EXOC6B: variants seen among roughly 807,000 people sequenced by gnomAD.
The protein encoded by EXOC6B is SEC15 homolog B.
Under a neutral mutation model 113.5 loss-of-function variants are expected in EXOC6B, and 54 were observed. The ratio of observed to expected loss-of-function variants is 0.48; its 90% CI spans 0.38 to 0.60. The LOEUF is 0.60. Ranked by LOEUF, EXOC6B falls within the 20% of genes least tolerant of loss-of-function variation. The probability of loss-of-function intolerance (pLI) is 0.00; values close to 1 mark genes in which losing one functional copy is unlikely to be tolerated. For missense variants in EXOC6B, 797 were observed against 977.5 expected (o/e 0.82, Z 2.46); for synonymous variants, 357 against 339.0 (o/e 1.05, Z -0.58).
At chr2:72,199,086 T>C (rs1391048220) in intron 20 of EXOC6B, among the ~76,000 whole-genome samples, 1 of 152,164 alleles carries the variant, frequency 6.6e-6, no homozygotes, top group African/African-American at 2.4e-5. Context: ...AGTGGTGCAG[T>C]AAGTGTGAAT....
intron 19 of EXOC6B, among the ~76,000 whole-genome samples, chr2:72,340,608 G>T (rs939964938): frequency 6.6e-6 from 1 of 152,142 alleles, no homozygotes; most frequent in Admixed American, 6.6e-5. Context: ...TTGCTGAATG[G>T]ATTAGGGATT....
chr2:72,522,688 CT>C (rs1218678407), intron 8 of EXOC6B, among the ~76,000 whole-genome samples: 2 of 152,142 alleles, frequency 1.3e-5, no homozygotes, highest in Admixed American at 6.5e-5. Context: ...CTAGATCATA[CT>C]TTCTTTCAGG....
At chr2:72,666,780 GACACACACAC>G (rs71404724) in intron 6 of EXOC6B, among the ~76,000 whole-genome samples, 42 of 81,238 alleles carry the variant, frequency 5.2e-4, no homozygotes, top group African/African-American at 1.1e-3. Flanking sequence ...ATTTACAATA[GACACACACAC>G]ACACACACAC....
intron 8 of EXOC6B, among the ~76,000 whole-genome samples, chr2:72,549,797 T>A (rs927416665): frequency 2.6e-5 from 4 of 152,072 alleles, no homozygotes; most frequent in Admixed American, 6.5e-5. Flanking sequence ...GGTAAAACCC[T>A]GGGAACAATG....
intron 20 of EXOC6B, among the ~76,000 whole-genome samples, chr2:72,260,757 C>T (rs947435993): frequency 6.6e-6 from 1 of 152,080 alleles, no homozygotes; most frequent in Non-Finnish European, 1.5e-5. Flanking sequence ...AAGATATTCC[C>T]ACATGCAAGA....
chr2:72,242,925 G>A (rs1213588325), intron 20 of EXOC6B, among the ~76,000 whole-genome samples: 1 of 151,984 alleles, frequency 6.6e-6, no homozygotes, highest in East Asian at 1.9e-4. Context: ...TGTAGAGATG[G>A]GGTCTCACTG....
chr2:72,569,741 A>G (rs1056107116), intron 7 of EXOC6B, among the ~76,000 whole-genome samples: 19 of 152,178 alleles, frequency 1.2e-4, no homozygotes, highest in African/African-American at 3.9e-4. Context: ...TCAAGGAATC[A>G]TCTTCATTTT....
chr2:72,770,554 A>C (rs1458970773), intron 1 of EXOC6B, among the ~76,000 whole-genome samples: 6 of 152,210 alleles, frequency 3.9e-5, no homozygotes, highest in African/African-American at 1.4e-4. Flanking sequence ...AAGATTATTA[A>C]TATATTAAGT....
intron 16 of EXOC6B, among the ~76,000 whole-genome samples, chr2:72,488,247 G>T (rs371854471): frequency 9.2e-5 from 14 of 151,784 alleles, no homozygotes; most frequent in African/African-American, 2.7e-4. Flanking sequence ...TTCCCTGGTG[G>T]CTCCTTCCCA....
At chr2:72,698,210 T>A (rs1420590153) in intron 6 of EXOC6B, among the ~76,000 whole-genome samples, 2 of 151,780 alleles carry the variant, frequency 1.3e-5, no homozygotes, top group African/African-American at 4.8e-5. Context: ...AGAGCACAGG[T>A]GGAAGAAATA....
At chr2:72,202,560 T>C (rs1037837415) in intron 20 of EXOC6B, among the ~76,000 whole-genome samples, 2 of 152,146 alleles carry the variant, frequency 1.3e-5, no homozygotes, top group Admixed American at 6.5e-5. Flanking sequence ...CTCTAGGACC[T>C]TACCAAGGGC....
At chr2:72,615,143 T>C (rs529380283) in intron 6 of EXOC6B, among the ~76,000 whole-genome samples, 116 of 152,246 alleles carry the variant, frequency 7.6e-4, no homozygotes, top group African/African-American at 2.7e-3. Context: ...CATAAGGTTG[T>C]ACTAGAGATA....
chr2:72,413,770 T>C (rs1694345623), intron 18 of EXOC6B, among the ~76,000 whole-genome samples: 1 of 152,156 alleles, frequency 6.6e-6, no homozygotes, highest in Non-Finnish European at 1.5e-5. Context: ...CTCAAGTGAT[T>C]TCTCACACTT....
At chr2:72,309,987 A>T (rs907986248) in intron 20 of EXOC6B, among the ~76,000 whole-genome samples, 1 of 152,178 alleles carries the variant, frequency 6.6e-6, no homozygotes, top group African/African-American at 2.4e-5. Context: ...TTGATGGCTG[A>T]ATAATATTCC....
chr2:72,585,140 G>GA (rs981911736), intron 6 of EXOC6B, among the ~76,000 whole-genome samples: 3 of 151,490 alleles, frequency 2.0e-5, no homozygotes, highest in Non-Finnish European at 4.4e-5. Context: ...ACTACTAGAA[G>GA]AAAAAACCAT....
At chr2:72,507,953 A>T (rs1700684757) in intron 11 of EXOC6B, among the ~76,000 whole-genome samples, 1 of 148,620 alleles carries the variant, frequency 6.7e-6, no homozygotes, top group Non-Finnish European at 1.5e-5. Flanking sequence ...ACATTGCTTT[A>T]GAAAAAAAAA....
chr2:72,625,510 A>G (rs1255160089), intron 6 of EXOC6B, among the ~76,000 whole-genome samples: 2 of 152,182 alleles, frequency 1.3e-5, no homozygotes, highest in African/African-American at 4.8e-5. Context: ...GTCCATAAAG[A>G]GGACAAGGAA....
chr2:72,603,930 A>T (rs779024815), intron 6 of EXOC6B, among the ~76,000 whole-genome samples: 2 of 151,814 alleles, frequency 1.3e-5, no homozygotes, highest in Admixed American at 1.3e-4. Context: ...TCCCCCACCC[A>T]CTACACTTTT....
At position 72,652,140 on chromosome 2, in the gene EXOC6B, C is replaced by T. The variant is rs146181247; in HGVS notation, c.669+65963G>A. Among the ~76,000 whole-genome samples, 1,188 of 150,454 alleles carry T rather than the reference C, an allele frequency of 7.9e-3. 51 individuals carry two copies. The highest frequency in any genetic ancestry group is 0.068 in the Admixed American group (1,027 of 15,064). On this transcript the variant is annotated intron_variant, in intron 6 of 21. Transcript: ENST00000272427. Reference sequence around the variant, plus strand: ...CATACAGAGCCAGGTAAAAGAATTACGACATATAATGTATTAAATTTCAAA... The same window carrying T: ...CATACAGAGCCAGGTAAAAGAATTATGACATATAATGTATTAAATTTCAAA...
Sources: gnomAD v4.1 joint callset for allele counts (sites outside exome capture counted in the v4.1 genomes callset) on GRCh38, gnomAD v4.1.1 for gene constraint, MANE v1.5 for transcripts, NCBI Gene and HGNC (gene_info 2026-07-23, HGNC 2026-07-21) for gene names.